The following UBE2K variants were observed in gnomAD, a reference collection of about 807,000 sequenced individuals.
UBE2K encodes ubiquitin-conjugating enzyme E2 K.
UBE2K carries 6 observed loss-of-function variants against 30.0 expected under a neutral mutation model. The ratio of observed to expected loss-of-function variants is 0.20; its 90% confidence interval spans 0.11 to 0.39. The LOEUF (loss-of-function observed/expected upper bound fraction) is 0.39, where lower values mean the gene tolerates loss of function less well. Among genes scored for constraint, UBE2K ranks in the 10% least tolerant of loss-of-function variants. The probability of loss-of-function intolerance (pLI) is 1.00; values close to 1 mark genes in which losing one functional copy is unlikely to be tolerated. For missense variants in UBE2K, 61 were observed against 241.6 expected (o/e 0.25, Z 4.96); for synonymous variants, 86 against 83.7 (o/e 1.03, Z -0.15).
intron 4 of UBE2K, among the ~76,000 whole-genome samples, chr4:39,759,806 A>G (rs953971608): frequency 6.6e-6 from 1 of 152,210 alleles, no homozygotes; most frequent in African/African-American, 2.4e-5. Context: ...CATCAGGGAA[A>G]TGCAAATGAA....
chr4:39,745,007 AAAT>A (rs1720915440), intron 2 of UBE2K, among the ~76,000 whole-genome samples: 1 of 151,828 alleles, frequency 6.6e-6, no homozygotes, highest in African/African-American at 2.4e-5. Flanking sequence ...TTTGCTTAAA[AAAT>A]AAAAAATATA....
chr4:39,737,559 G>T (rs1720444828), intron 2 of UBE2K, 46 bp downstream of exon 2: 2 of 1,193,500 alleles, frequency 1.7e-6, no homozygotes, highest in Non-Finnish European at 2.4e-6. Context: ...ATTAGAACTT[G>T]TCTGAAACAT....
At chr4:39,764,584 C>T (rs1712190985) in intron 4 of UBE2K, among the ~76,000 whole-genome samples, 1 of 152,042 alleles carries the variant, frequency 6.6e-6, no homozygotes, top group South Asian at 2.1e-4. Flanking sequence ...AGGTGCACAC[C>T]ACCATGCCTG....
chr4:39,777,669 TC>T lies in UBE2K; in HGVS notation c.400-7del. ...CTGTAATGTCATGTCAATCAATTTT[TC>T]CCCCCATATAGTACAAACAAAATCC... On this transcript the variant is annotated splice_polypyrimidine_tract_variant and intron_variant, in intron 5 of 6. Transcript: ENST00000261427. 1.3e-6 allele frequency: 2 copies of T among 1,532,920 alleles called. No homozygotes were observed. Among genetic ancestry groups the T allele is most frequent in the Non-Finnish European group, 1.7e-6 (2 of 1,151,720 alleles). 95.0% of individuals were successfully genotyped at this position (1,532,920 alleles called of 1,614,324 possible).
intron 1 of UBE2K, among the ~76,000 whole-genome samples, chr4:39,732,565 T>A (rs530693553): frequency 1.6e-4 from 24 of 152,142 alleles, no homozygotes; most frequent in South Asian, 1.2e-3. Context: ...ATGTTTTTTT[T>A]ATCTCATTCA....
chr4:39,744,099 G>A (rs1290066082), intron 2 of UBE2K, among the ~76,000 whole-genome samples: 3 of 152,196 alleles, frequency 2.0e-5, no homozygotes, highest in Non-Finnish European at 4.4e-5. Flanking sequence ...CTGGCGTCAA[G>A]TGATCTGCCC....
intron 4 of UBE2K, among the ~76,000 whole-genome samples, chr4:39,774,137 A>T (rs1560382084): frequency 6.6e-6 from 1 of 151,256 alleles, no homozygotes; most frequent in Non-Finnish European, 1.5e-5. Context: ...TCTTTACGAA[A>T]AAAGGAAAAA....
intron 1 of UBE2K, among the ~76,000 whole-genome samples, chr4:39,717,592 A>G (rs1248035090): frequency 6.6e-6 from 1 of 152,202 alleles, no homozygotes; most frequent in Admixed American, 6.5e-5. Flanking sequence ...TAAAAATACA[A>G]TGTTACATCA....
chr4:39,765,392 C>T (rs1314660132), intron 4 of UBE2K, among the ~76,000 whole-genome samples: 1 of 151,804 alleles, frequency 6.6e-6, no homozygotes, highest in African/African-American at 2.4e-5. Context: ...GGCATGGTGG[C>T]GTGAGTCTGT....
At chr4:39,763,149 G>C (rs1712076614) in intron 4 of UBE2K, among the ~76,000 whole-genome samples, 1 of 149,124 alleles carries the variant, frequency 6.7e-6, no homozygotes, top group Admixed American at 6.7e-5. Flanking sequence ...TGCCATGTTG[G>C]CCAGGCTGGT....
At position 39,702,206 on chromosome 4, in the gene UBE2K, A is replaced by ATTTTCTTTTC. The variant is rs36232683; in HGVS notation, c.63+3836_63+3845dup. Reference sequence around the variant, plus strand: ...CATGTTGTAATTGCACTTTGGTAACATTTTCTTTTCTTTTCTTTTCTTTTC... The same window carrying ATTTTCTTTTC: ...CATGTTGTAATTGCACTTTGGTAACATTTTCTTTTCTTTTCTTTTCTTTTCTTTTCTTTTC... On this transcript the variant is annotated intron_variant, in intron 1 of 6. Coordinates refer to ENST00000261427, the MANE Select transcript of UBE2K (RefSeq NM_005339.5). Among the ~76,000 whole-genome samples, 286 of 97,844 alleles carry ATTTTCTTTTC rather than the reference A, an allele frequency of 2.9e-3. 2 individuals are homozygous for ATTTTCTTTTC. The Middle Eastern group carries it at 0.03, about 10-fold the overall frequency. The allele number at this position is 97,844 out of a possible 152,430, so 64.2% of individuals were successfully genotyped here.
At chr4:39,706,215 A>G (rs1718354674) in intron 1 of UBE2K, among the ~76,000 whole-genome samples, 1 of 151,710 alleles carries the variant, frequency 6.6e-6, no homozygotes, top group South Asian at 2.1e-4. Flanking sequence ...ACGGGGTTTC[A>G]CCGTGTTAGT....
At chr4:39,754,364 C>T (rs1053973966) in intron 3 of UBE2K, among the ~76,000 whole-genome samples, 2 of 151,898 alleles carry the variant, frequency 1.3e-5, no homozygotes, top group South Asian at 2.1e-4. Context: ...AAGTCATTGG[C>T]GAATTAAAGT....
In UBE2K at chr4:39,714,865, A is replaced by G. The variant is rs566876727; in HGVS notation, c.63+16475A>G. 2.0e-5 allele frequency among the ~76,000 whole-genome samples: 3 copies of G among 151,064 alleles called. No homozygotes were observed. In the Admixed American group the frequency reaches 2.0e-4, roughly 10 times the overall value. The stretch of plus-strand genomic sequence containing the variant: ...TGCTTGGCCCAGAAGTTCTATTTTT[A>G]AGAGACAGGTCTCACTCACACGCTT... On this transcript the variant is annotated intron_variant, in intron 1 of 6. Transcript: ENST00000261427.
chr4:39,764,186 C>G (rs926158228), intron 4 of UBE2K, among the ~76,000 whole-genome samples: 1 of 152,162 alleles, frequency 6.6e-6, no homozygotes, highest in African/African-American at 2.4e-5. Context: ...AAGACCCTGT[C>G]TGTACAAAAA....
intron 3 of UBE2K, among the ~76,000 whole-genome samples, chr4:39,750,193 C>CA (rs921899939): frequency 5.3e-5 from 8 of 151,010 alleles, no homozygotes; most frequent in African/African-American, 9.7e-5. Context: ...GACTCCATCT[C>CA]AAAAAAAACA....
intron 1 of UBE2K, among the ~76,000 whole-genome samples, chr4:39,717,264 C>T (rs374088974): frequency 1.3e-5 from 2 of 149,702 alleles, no homozygotes; most frequent in South Asian, 2.1e-4. Flanking sequence ...GATGGACTCT[C>T]GCTATATCGC....
rs1412401734 is a variant in UBE2K, at chr4:39,782,678, C to T, written c.*4244C>T. 1 of 152,170 alleles carries T rather than the reference C, an allele frequency of 6.6e-6. No individual in the cohort carries two copies. The highest frequency in any genetic ancestry group is 1.5e-5 in the Non-Finnish European group (1 of 68,032). 9.4% of individuals were successfully genotyped at this position (152,170 alleles called of 1,614,324 possible). A position where few individuals can be genotyped will look rare whatever the true frequency, so the allele number is the denominator to read the frequency against. ...GTCTTGAGAATTAAAAACTACGAAA[C>T]ACTTTTGTACACAACTGATTTTTTA... On this transcript the variant is annotated 3_prime_UTR_variant, in exon 7 of 7. Coordinates refer to ENST00000261427, the MANE Select transcript of UBE2K (RefSeq NM_005339.5).
chr4:39,746,912 T>C (rs1470995324), intron 3 of UBE2K, among the ~76,000 whole-genome samples: 3 of 152,228 alleles, frequency 2.0e-5, no homozygotes. Flanking sequence ...TTTGGATATG[T>C]ATCTTTCTCT....
Sources: gnomAD v4.1 joint callset for allele counts (sites outside exome capture counted in the v4.1 genomes callset) on GRCh38, gnomAD v4.1.1 for gene constraint, MANE v1.5 for transcripts, NCBI Gene and HGNC (gene_info 2026-07-23, HGNC 2026-07-21) for gene names.